LRMDA: variants seen among roughly 807,000 people sequenced by gnomAD.
LRMDA encodes the protein leucine-rich melanocyte differentiation-associated protein.
Under a neutral mutation model 29.8 loss-of-function variants are expected in LRMDA, and 18 were observed. The observed-to-expected ratio is 0.60, with a 90% confidence interval of 0.42 to 0.90. LRMDA has a LOEUF of 0.90. Among genes scored for constraint, LRMDA ranks in the 40% least tolerant of loss-of-function variants. The pLI is 0.00. For missense variants in LRMDA, 273 were observed against 273.9 expected, an observed-to-expected ratio of 1.00 and a Z score of 0.02; for synonymous variants, 125 against 109.4, an observed-to-expected ratio of 1.14 and a Z score of -0.89.
intron 2 of LRMDA, among the ~76,000 whole-genome samples, chr10:75,624,812 G>T (rs374704675): frequency 6.6e-6 from 1 of 152,144 alleles, no homozygotes; most frequent in South Asian, 2.1e-4. Flanking sequence ...GTAATTAATT[G>T]CTTTCAGTTC....
At chr10:75,912,950 C>A (rs567639521) in intron 2 of LRMDA, among the ~76,000 whole-genome samples, 1 of 151,940 alleles carries the variant, frequency 6.6e-6, no homozygotes, top group Non-Finnish European at 1.5e-5. Context: ...AATGAATAGA[C>A]GGTAGTTAAG....
At chr10:75,724,206 C>T (rs1231455806) in intron 2 of LRMDA, among the ~76,000 whole-genome samples, 1 of 152,090 alleles carries the variant, frequency 6.6e-6, no homozygotes, top group African/African-American at 2.4e-5. Context: ...GGAGTATAAT[C>T]GTGCTGTGAG....
At chr10:76,278,339 C>T (rs919503650) in intron 5 of LRMDA, among the ~76,000 whole-genome samples, 13 of 152,042 alleles carry the variant, frequency 8.6e-5, no homozygotes, top group Admixed American at 5.2e-4. Context: ...CTGAATCTTC[C>T]GTAAGAAATT....
At chr10:76,178,950 G>A (rs112277309) in intron 5 of LRMDA, among the ~76,000 whole-genome samples, 2,502 of 152,270 alleles carry the variant, frequency 0.016, 38 homozygotes, top group South Asian at 0.055. Flanking sequence ...GGTGTTCACC[G>A]TGTTTGTTCA....
chr10:76,230,790 T>C (rs534850499), intron 5 of LRMDA, among the ~76,000 whole-genome samples: 1 of 152,338 alleles, frequency 6.6e-6, no homozygotes, highest in East Asian at 1.9e-4. Flanking sequence ...TACATTGTAA[T>C]GAATAGGTTC....
intron 6 of LRMDA, among the ~76,000 whole-genome samples, chr10:76,433,391 G>C (rs1247082291): frequency 6.6e-6 from 1 of 152,202 alleles, no homozygotes; most frequent in East Asian, 1.9e-4. Flanking sequence ...ATGGGAGCCA[G>C]AACGAGGCAC....
chr10:75,881,703 A>C (rs1845297860), intron 2 of LRMDA, among the ~76,000 whole-genome samples: 1 of 152,238 alleles, frequency 6.6e-6, no homozygotes, highest in Non-Finnish European at 1.5e-5. Context: ...AGAAACCTCT[A>C]GGAGGAATTT....
intron 2 of LRMDA, among the ~76,000 whole-genome samples, chr10:75,937,769 C>T (rs1463488399): frequency 6.6e-6 from 1 of 152,190 alleles, no homozygotes; most frequent in Non-Finnish European, 1.5e-5. Context: ...TAAACATTTT[C>T]TAATCAGCTT....
At chr10:76,522,737 C>T (rs1423678884) in intron 6 of LRMDA, among the ~76,000 whole-genome samples, 1 of 152,168 alleles carries the variant, frequency 6.6e-6, no homozygotes, top group East Asian at 1.9e-4. Context: ...CCCCCGCCAC[C>T]TCTCCCTGAG....
At chr10:75,613,443 A>G (rs1589135453) in intron 2 of LRMDA, among the ~76,000 whole-genome samples, 1 of 152,126 alleles carries the variant, frequency 6.6e-6, no homozygotes, top group East Asian at 1.9e-4. Context: ...CACTTAAAAT[A>G]TTTATGGATC....
chr10:76,009,721 G>T lies in LRMDA; in HGVS notation c.132-26287G>T, dbSNP rs112916702. Among the ~76,000 whole-genome samples, 791 of 152,252 alleles carry T rather than the reference G, an allele frequency of 5.2e-3. 11 individuals carry two copies. Among genetic ancestry groups the T allele is most frequent in the African/African-American group, 0.018 (741 of 41,542 alleles). On this transcript the variant is annotated intron_variant, in intron 2 of 6. Transcript: ENST00000611255. Reference sequence around the variant, plus strand: ...TCTCGGCCAGACTGGTTGCTATCCAGGTTTTTCTTCTCCTCCGCAGCCGCT... The same window carrying T: ...TCTCGGCCAGACTGGTTGCTATCCATGTTTTTCTTCTCCTCCGCAGCCGCT...
chr10:76,322,705 T>C (rs999488104), intron 5 of LRMDA, among the ~76,000 whole-genome samples: 1 of 152,220 alleles, frequency 6.6e-6, no homozygotes, highest in Non-Finnish European at 1.5e-5. Context: ...GAAATATCAC[T>C]ACACAACAAA....
Position 75,926,783 on chromosome 10 carries a change from T to C in LRMDA, c.132-109225T>C, listed in dbSNP as rs117082216. Among the ~76,000 whole-genome samples, 141 of 152,342 alleles carry C rather than the reference T, an allele frequency of 9.3e-4. No homozygotes were observed. In the East Asian group the frequency reaches 0.014, roughly 16 times the overall value. ...TTTGCTGTAAACAAGCAAAATTGCT[T>C]TCTACTCAGTGGGCTGTTTCCTGAC... On this transcript the variant is annotated intron_variant, in intron 2 of 6. Coordinates refer to ENST00000611255, the MANE Select transcript of LRMDA (RefSeq NM_001305581.2).
At chr10:76,011,021 T>G (rs1847769509) in intron 2 of LRMDA, among the ~76,000 whole-genome samples, 1 of 152,254 alleles carries the variant, frequency 6.6e-6, no homozygotes, top group Non-Finnish European at 1.5e-5. Flanking sequence ...AAATCGAGTT[T>G]GGCTTGTTTG....
At chr10:76,486,377 G>T (rs1453350426) in intron 6 of LRMDA, among the ~76,000 whole-genome samples, 1 of 151,868 alleles carries the variant, frequency 6.6e-6, no homozygotes, top group Non-Finnish European at 1.5e-5. Context: ...TTATATTGTG[G>T]ATCATTCTGG....
At chr10:76,077,515 T>A (rs1400260048) in intron 5 of LRMDA, among the ~76,000 whole-genome samples, 1 of 152,224 alleles carries the variant, frequency 6.6e-6, no homozygotes, top group East Asian at 1.9e-4. Flanking sequence ...TAAAATGAAC[T>A]GAGACAGATC....
At chr10:75,662,510 C>T (rs1362436867) in intron 2 of LRMDA, among the ~76,000 whole-genome samples, 1 of 152,174 alleles carries the variant, frequency 6.6e-6, no homozygotes, top group Non-Finnish European at 1.5e-5. Flanking sequence ...CAAATCTTTA[C>T]TAGTGAAAAG....
intron 5 of LRMDA, among the ~76,000 whole-genome samples, chr10:76,126,295 A>G (rs1218263291): frequency 6.6e-6 from 1 of 152,200 alleles, no homozygotes; most frequent in Non-Finnish European, 1.5e-5. Context: ...ACTCTAATGT[A>G]ATGACTTTGG....
At chr10:76,490,175 A>G (rs1842818789) in intron 6 of LRMDA, among the ~76,000 whole-genome samples, 2 of 151,912 alleles carry the variant, frequency 1.3e-5, no homozygotes, top group Non-Finnish European at 2.9e-5. Flanking sequence ...TTAGTTCAAT[A>G]TTTTGAGTGT....
Sources: allele counts gnomAD v4.1 joint callset (sites outside exome capture counted in the v4.1 genomes callset), GRCh38; gene constraint gnomAD v4.1.1; transcripts MANE v1.5; gene names NCBI Gene and HGNC (gene_info 2026-07-23, HGNC 2026-07-21).